TBC1D22A: variants seen among roughly 807,000 people sequenced by gnomAD.
TBC1D22A encodes TBC1 domain family member 22A, also known as putative GTPase activator.
In TBC1D22A, 38 loss-of-function variants were observed where a neutral mutation model predicts 60.2. That is an observed-to-expected ratio of 0.63 (90% CI 0.49 to 0.83). The LOEUF (loss-of-function observed/expected upper bound fraction) is 0.83. Among genes scored for constraint, TBC1D22A ranks in the 40% least tolerant of loss-of-function variants. The pLI is 0.00. For missense variants in TBC1D22A, 628 were observed against 701.0 expected (o/e 0.90, Z 1.18); for synonymous variants, 302 against 281.7 (o/e 1.07, Z -0.72).
chr22:47,103,859 A>G (rs1603272052), intron 11 of TBC1D22A, among the ~76,000 whole-genome samples: 1 of 152,306 alleles, frequency 6.6e-6, no homozygotes, highest in Non-Finnish European at 1.5e-5. Context: ...ATGGGTTTTA[A>G]TTAACCGTAT....
intron 7 of TBC1D22A, among the ~76,000 whole-genome samples, chr22:46,897,635 G>GTTTTTTTTTT (rs1602366020): frequency 8.0e-6 from 1 of 125,482 alleles, no homozygotes; most frequent in African/African-American, 3.6e-5. Flanking sequence ...GTTTTGTTTC[G>GTTTTTTTTTT]TTTTGTTTTT....
chr22:47,140,946 C>G (rs2067061528), intron 12 of TBC1D22A, among the ~76,000 whole-genome samples: 1 of 152,250 alleles, frequency 6.6e-6, no homozygotes, highest in Non-Finnish European at 1.5e-5. Flanking sequence ...TAGGACCGCT[C>G]TGGCTTGTTA....
chr22:47,149,162 C>A (rs2067401083), intron 12 of TBC1D22A, among the ~76,000 whole-genome samples: 1 of 152,086 alleles, frequency 6.6e-6, no homozygotes, highest in African/African-American at 2.4e-5. Context: ...GGCTCGGGGG[C>A]CCTTCCAGAG....
chr22:46,930,760 G>A (rs1400317954), intron 8 of TBC1D22A, among the ~76,000 whole-genome samples: 1 of 152,058 alleles, frequency 6.6e-6, no homozygotes, highest in Non-Finnish European at 1.5e-5. Context: ...ACCGCGCCCA[G>A]CCTTTCCTTG....
At chr22:47,096,359 T>G (rs1263144793) in intron 11 of TBC1D22A, among the ~76,000 whole-genome samples, 1 of 152,194 alleles carries the variant, frequency 6.6e-6, no homozygotes, top group Admixed American at 6.5e-5. Flanking sequence ...TTGTGGATTC[T>G]TTGGAGGATT....
chr22:47,150,061 G>T (rs1332720989), intron 12 of TBC1D22A, among the ~76,000 whole-genome samples: 1 of 152,094 alleles, frequency 6.6e-6, no homozygotes, highest in African/African-American at 2.4e-5. Context: ...AGCCCCTCTG[G>T]TCTTACTGTT....
At chr22:47,036,879 C>G (rs1280057022) in intron 10 of TBC1D22A, among the ~76,000 whole-genome samples, 192 bp from the exon 11 acceptor site, 2 of 152,232 alleles carry the variant, frequency 1.3e-5, no homozygotes, top group East Asian at 3.9e-4. Context: ...TTTCGCTTTC[C>G]TGTAGGAAGG....
chr22:46,876,306 C>A (rs1484341191), intron 4 of TBC1D22A, among the ~76,000 whole-genome samples: 1 of 152,166 alleles, frequency 6.6e-6, no homozygotes, highest in Admixed American at 6.5e-5. Flanking sequence ...CATATCCGCA[C>A]AAAAAGACAG....
In TBC1D22A at chr22:46,878,714, G is replaced by A; in HGVS notation, c.699G>A (p.Lys233=). 2 of 1,613,024 alleles carry A rather than the reference G, an allele frequency of 1.2e-6. No individual in the cohort carries two copies. Among genetic ancestry groups the A allele is most frequent in the East Asian group, 2.2e-5 (1 of 44,878 alleles). ...IPKPVRPMTW[K]LLSGYLPANV... Reference sequence around the variant, plus strand: ...AGCCAGTGCGTCCAATGACGTGGAAGCTCCTCTCAGTAAGTCCCACCGCAC... The same window carrying A: ...AGCCAGTGCGTCCAATGACGTGGAAACTCCTCTCAGTAAGTCCCACCGCAC... The change falls in exon 5 of 13, where the codon AAG becomes AAA. Residue 233 remains lysine, a synonymous_variant. Transcript: ENST00000337137.
intron 11 of TBC1D22A, among the ~76,000 whole-genome samples, chr22:47,058,313 T>C (rs1054779247): frequency 1.1e-4 from 16 of 152,134 alleles, no homozygotes; most frequent in African/African-American, 2.9e-4. Flanking sequence ...CTCGGACTCC[T>C]ATGATCCTGT....
chr22:46,869,329 A>G (rs1027691121), intron 4 of TBC1D22A, among the ~76,000 whole-genome samples: 12 of 152,190 alleles, frequency 7.9e-5, no homozygotes, highest in Admixed American at 3.9e-4. Context: ...CCTTTCTCCC[A>G]TAGTCCTGGT....
At chr22:47,084,353 C>T (rs896659600) in intron 11 of TBC1D22A, among the ~76,000 whole-genome samples, 5 of 152,286 alleles carry the variant, frequency 3.3e-5, no homozygotes, top group African/African-American at 7.2e-5. Flanking sequence ...ACGACTGGAC[C>T]GGCAGCTTCC....
At chr22:46,858,053 C>A (rs565030658) in intron 4 of TBC1D22A, among the ~76,000 whole-genome samples, 1 of 152,306 alleles carries the variant, frequency 6.6e-6, no homozygotes, top group East Asian at 1.9e-4. Context: ...AGCTGCCAGA[C>A]TTTCCTGCAG....
intron 11 of TBC1D22A, among the ~76,000 whole-genome samples, chr22:47,061,306 A>G (rs1382341456): frequency 6.6e-6 from 1 of 152,118 alleles, no homozygotes; most frequent in Admixed American, 6.5e-5. Flanking sequence ...TGGGGCAGAT[A>G]CGGGGCCTGG....
chr22:46,828,546 C>T (rs1435980068), intron 4 of TBC1D22A, among the ~76,000 whole-genome samples: 1 of 152,252 alleles, frequency 6.6e-6, no homozygotes, highest in Non-Finnish European at 1.5e-5. Flanking sequence ...CCCGTCTGGC[C>T]CAAGGGCGTC....
intron 11 of TBC1D22A, among the ~76,000 whole-genome samples, chr22:47,093,581 T>C (rs2065062184): frequency 6.6e-6 from 1 of 152,116 alleles, no homozygotes; most frequent in Non-Finnish European, 1.5e-5. Context: ...TGCATGTTGA[T>C]TTTTCATTAA....
intron 12 of TBC1D22A, among the ~76,000 whole-genome samples, chr22:47,137,433 T>C (rs1428657997): frequency 6.6e-6 from 1 of 152,164 alleles, no homozygotes; most frequent in Non-Finnish European, 1.5e-5. Context: ...AGGGGACATG[T>C]ACTGCCCCTT....
At chr22:47,072,517 A>C (rs899903169) in intron 11 of TBC1D22A, among the ~76,000 whole-genome samples, 2 of 152,232 alleles carry the variant, frequency 1.3e-5, no homozygotes, top group Non-Finnish European at 2.9e-5. Context: ...TTTCAGATGC[A>C]GGGGCTTCTG....
At chr22:46,781,414 G>T (rs2083932536) in intron 1 of TBC1D22A, among the ~76,000 whole-genome samples, 1 of 152,142 alleles carries the variant, frequency 6.6e-6, no homozygotes, top group African/African-American at 2.4e-5. Context: ...GGACTCAAAC[G>T]ATCTGCCTAC....
Sources: gnomAD v4.1 joint callset for allele counts (sites outside exome capture counted in the v4.1 genomes callset) on GRCh38, gnomAD v4.1.1 for gene constraint, MANE v1.5 for transcripts, NCBI Gene and HGNC (gene_info 2026-07-23, HGNC 2026-07-21) for gene names.